CTNNA2: variants seen among roughly 807,000 people sequenced by gnomAD.
CTNNA2 encodes catenin alpha 2, also known as catenin alpha-2.
A neutral mutation model predicts 101.0 loss-of-function variants in CTNNA2; 42 were observed. The observed-to-expected ratio is 0.42, with a 90% CI of 0.32 to 0.54. CTNNA2 has a LOEUF of 0.54. Ranked by LOEUF, CTNNA2 falls within the 20% of genes least tolerant of loss-of-function variation. The probability of loss-of-function intolerance (pLI) is 0.14; values close to 1 mark genes in which losing one functional copy is unlikely to be tolerated. For synonymous variants in CTNNA2, 450 were observed against 456.4 expected (o/e 0.99, Z 0.18); for missense variants, 871 against 1,223.1 (o/e 0.71, Z 4.29).
chr2:80,602,382 T>G (rs529469659), intron 15 of CTNNA2, among the ~76,000 whole-genome samples: 1 of 152,178 alleles, frequency 6.6e-6, no homozygotes, highest in Admixed American at 6.6e-5. Context: ...GAAGTTATTA[T>G]GGAACGTTCA....
intron 7 of CTNNA2, among the ~76,000 whole-genome samples, chr2:80,171,103 A>AT (rs1444555590): frequency 6.6e-6 from 1 of 152,212 alleles, no homozygotes; most frequent in Non-Finnish European, 1.5e-5. Context: ...GTCATCCAGC[A>AT]TTTGTGTTTG....
intron 7 of CTNNA2, among the ~76,000 whole-genome samples, chr2:80,116,561 A>G (rs1442720138): frequency 6.6e-6 from 1 of 152,142 alleles, no homozygotes; most frequent in South Asian, 2.1e-4. Context: ...CAGAAATGAG[A>G]TGAATCTACA....
intron 3 of CTNNA2, among the ~76,000 whole-genome samples, chr2:79,857,256 TC>T (rs1167626833): frequency 1.3e-5 from 2 of 152,196 alleles, no homozygotes; most frequent in Middle Eastern, 3.2e-3. Context: ...CAAATACCTC[TC>T]CCCTCTGTGT....
chr2:80,616,977 T>C (rs1698907346), intron 17 of CTNNA2, among the ~76,000 whole-genome samples: 1 of 151,780 alleles, frequency 6.6e-6, no homozygotes, highest in Non-Finnish European at 1.5e-5. Flanking sequence ...TAGGCAATTA[T>C]AAGAAATGCC....
chr2:79,190,586 A>G (rs1166346281), intron 1 of CTNNA2, among the ~76,000 whole-genome samples: 2 of 152,090 alleles, frequency 1.3e-5, no homozygotes, highest in African/African-American at 2.4e-5. Flanking sequence ...TGCCGTTTAG[A>G]AAGATTTTTC....
intron 4 of CTNNA2, among the ~76,000 whole-genome samples, chr2:79,408,208 C>CA (rs762607280): frequency 1.3e-5 from 2 of 151,810 alleles, no homozygotes; most frequent in Non-Finnish European, 2.9e-5. Context: ...CCTCCATGCC[C>CA]AAAGTACAGC....
chr2:79,386,357 G>T (rs77650708), intron 4 of CTNNA2, among the ~76,000 whole-genome samples: 1,738 of 152,234 alleles, frequency 0.011, 40 homozygotes, highest in African/African-American at 0.04. Context: ...AGGAAGAACG[G>T]CATAACTCTG....
At chr2:80,246,827 C>T (rs190076634) in intron 7 of CTNNA2, among the ~76,000 whole-genome samples, 117 of 152,302 alleles carry the variant, frequency 7.7e-4, no homozygotes, top group African/African-American at 2.7e-3. Context: ...AGCTCCAGGC[C>T]ACTTACATTA....
intron 16 of CTNNA2, 127 bp downstream of exon 16, chr2:80,604,306 T>C: frequency 1.4e-6 from 1 of 704,072 alleles, no homozygotes; most frequent in South Asian, 1.7e-5. Flanking sequence ...GAATCACTGA[T>C]ATTTTACACA....
At chr2:80,493,441 A>G (rs1183162449) in intron 9 of CTNNA2, among the ~76,000 whole-genome samples, 5 of 152,196 alleles carry the variant, frequency 3.3e-5, no homozygotes, top group Admixed American at 2.0e-4. Flanking sequence ...TGTGGAAGGC[A>G]TGTGTAGTCC....
chr2:79,731,615 G>A (rs1573816574), intron 2 of CTNNA2, among the ~76,000 whole-genome samples: 2 of 152,024 alleles, frequency 1.3e-5, no homozygotes, highest in South Asian at 2.1e-4. Flanking sequence ...ATTGAGATGC[G>A]TGTGAGTGGA....
chr2:79,975,306 T>C (rs988113246), intron 7 of CTNNA2, among the ~76,000 whole-genome samples: 9 of 152,136 alleles, frequency 5.9e-5, no homozygotes, highest in African/African-American at 2.2e-4. Context: ...ATGAGAGATG[T>C]AAGGATTTGG....
intron 7 of CTNNA2, among the ~76,000 whole-genome samples, chr2:80,164,151 T>C (rs189323238): frequency 6.6e-6 from 1 of 152,026 alleles, no homozygotes; most frequent in Admixed American, 6.6e-5. Flanking sequence ...TTGCATTTAA[T>C]GTAATTATTG....
intron 7 of CTNNA2, among the ~76,000 whole-genome samples, chr2:79,950,026 G>A (rs1688771218): frequency 6.6e-6 from 1 of 151,746 alleles, no homozygotes; most frequent in African/African-American, 2.4e-5. Context: ...ACATGGAAAA[G>A]AAAATGTATG....
chr2:80,457,462 G>C (rs1684079878), intron 9 of CTNNA2, among the ~76,000 whole-genome samples: 2 of 151,940 alleles, frequency 1.3e-5, no homozygotes, highest in Non-Finnish European at 2.9e-5. Context: ...AAAAAAGAAA[G>C]AAAAATGTTC....
chr2:79,580,128 G>A (rs149485178), intron 1 of CTNNA2, among the ~76,000 whole-genome samples: 14 of 152,270 alleles, frequency 9.2e-5, no homozygotes, highest in African/African-American at 2.2e-4. Flanking sequence ...TTGGAATGCA[G>A]TGTTTTTTAG....
At chr2:80,448,921 A>G (rs1332652247) in intron 9 of CTNNA2, among the ~76,000 whole-genome samples, 1 of 152,046 alleles carries the variant, frequency 6.6e-6, no homozygotes, top group East Asian at 1.9e-4. Context: ...TTGAAAGGCA[A>G]TTCTTAAGGC....
intron 7 of CTNNA2, among the ~76,000 whole-genome samples, chr2:79,952,116 C>A (rs1345183396): frequency 3.3e-5 from 5 of 152,186 alleles, no homozygotes; most frequent in Non-Finnish European, 4.4e-5. Flanking sequence ...GATCCCCACC[C>A]AACCCTAGTA....
chr2:79,810,153 G>A (rs1272818652), intron 3 of CTNNA2, among the ~76,000 whole-genome samples: 1 of 152,010 alleles, frequency 6.6e-6, no homozygotes. Context: ...GTGTTAGTCC[G>A]TTTTCATGCT....
Sources: gnomAD v4.1 joint callset for allele counts (sites outside exome capture counted in the v4.1 genomes callset) on GRCh38, gnomAD v4.1.1 for gene constraint, MANE v1.5 for transcripts, NCBI Gene and HGNC (gene_info 2026-07-23, HGNC 2026-07-21) for gene names.